GRIA2: variants seen among roughly 807,000 people sequenced by gnomAD.
GRIA2 encodes glutamate receptor 2.
Under a neutral mutation model 97.3 loss-of-function variants are expected in GRIA2, and 14 were observed. The ratio of observed to expected loss-of-function variants is 0.14; its 90% CI spans 0.10 to 0.23. The LOEUF (loss-of-function observed/expected upper bound fraction) is 0.23. Among genes scored for constraint, GRIA2 ranks in the 10% least tolerant of loss-of-function variants. The pLI is 1.00. For synonymous variants in GRIA2, 412 were observed against 387.8 expected, an observed-to-expected ratio of 1.06 and a Z score of -0.73; for missense variants, 558 against 1,069.8, an observed-to-expected ratio of 0.52 and a Z score of 6.67.
rs569469479 is a variant in GRIA2 at position 157,265,003 on chromosome 4, C to G, written c.230-38549C>G. On this transcript the variant is annotated intron_variant, in intron 2 of 15. Coordinates refer to ENST00000264426, the MANE Select transcript of GRIA2 (RefSeq NM_001083619.3). ...TTTGCAACATTTCCTGATCAGTCAG[C>G]AGTAAATAAAAGAGGCATAATTTAA... Among the ~76,000 whole-genome samples the G allele has an allele frequency of 3.9e-5, 6 of 152,136 alleles. No homozygotes were observed. The South Asian group carries it at 1.0e-3, about 26-fold the overall frequency.
chr4:157,221,825 A>C lies in GRIA2; in HGVS notation c.229+18A>C. The C allele has an allele frequency of 6.2e-7, 1 of 1,612,808 alleles. No homozygotes were observed. Among genetic ancestry groups the C allele is most frequent in the Non-Finnish European group, 8.5e-7 (1 of 1,178,980 alleles). On this transcript the variant is annotated intron_variant, in intron 2 of 15. Transcript: ENST00000264426. ...TAATGCTTGTAAGTAATGAATATTCATGCCTTTCGGGTGCTGCACGCGGAA... is the reference window on the plus strand; with the variant it reads ...TAATGCTTGTAAGTAATGAATATTCCTGCCTTTCGGGTGCTGCACGCGGAA...
intron 2 of GRIA2, among the ~76,000 whole-genome samples, chr4:157,286,149 A>T (rs982575110): frequency 6.6e-6 from 1 of 151,580 alleles, no homozygotes; most frequent in African/African-American, 2.4e-5. Context: ...AGAATCTATT[A>T]TGTAGAAACT....
intron 2 of GRIA2, among the ~76,000 whole-genome samples, chr4:157,298,833 T>C (rs1560753766): frequency 1.3e-5 from 2 of 152,080 alleles, no homozygotes; most frequent in East Asian, 3.9e-4. Context: ...TTTTGGTAAA[T>C]AAATAGTTTT....
At chr4:157,290,062 T>C (rs1017469654) in intron 2 of GRIA2, among the ~76,000 whole-genome samples, 6 of 151,858 alleles carry the variant, frequency 4.0e-5, no homozygotes, top group African/African-American at 1.2e-4. Context: ...CCTTACATAG[T>C]ACCTGGCACA....
intron 2 of GRIA2, among the ~76,000 whole-genome samples, chr4:157,283,565 C>T (rs190035379): frequency 6.6e-6 from 1 of 152,050 alleles, no homozygotes; most frequent in Non-Finnish European, 1.5e-5. Context: ...TCATCAGAAT[C>T]ACTGGCCTTA....
At chr4:157,274,523 C>G (rs1184097214) in intron 2 of GRIA2, among the ~76,000 whole-genome samples, 1 of 137,900 alleles carries the variant, frequency 7.3e-6, no homozygotes, top group Non-Finnish European at 1.6e-5. Context: ...CCCCCTCCCC[C>G]CACCCCACAA....
At chr4:157,312,972 G>T in intron 4 of GRIA2, 97 bp downstream of exon 4, 1 of 647,894 alleles carries the variant, frequency 1.5e-6, no homozygotes, top group Non-Finnish European at 2.5e-6. Context: ...TTGAACAGCA[G>T]TTTTTGCTTT....
intron 2 of GRIA2, among the ~76,000 whole-genome samples, chr4:157,265,284 T>C (rs1490174294): frequency 6.6e-6 from 1 of 152,172 alleles, no homozygotes; most frequent in East Asian, 1.9e-4. Context: ...TTTGTTCCTG[T>C]AGTCTACTCT....
chr4:157,273,529 A>G (rs1210399441), intron 2 of GRIA2, among the ~76,000 whole-genome samples: 1 of 152,068 alleles, frequency 6.6e-6, no homozygotes, highest in Non-Finnish European at 1.5e-5. Context: ...GCATAGATAG[A>G]AATTCTAAGA....
intron 2 of GRIA2, among the ~76,000 whole-genome samples, chr4:157,236,360 G>A (rs926302890): frequency 3.3e-5 from 5 of 151,978 alleles, no homozygotes; most frequent in Non-Finnish European, 7.4e-5. Flanking sequence ...TCCAGAAATG[G>A]TAGCATAATA....
At position 157,364,301 on chromosome 4, in the gene GRIA2, A is replaced by G. The variant is rs1394908653; in HGVS notation, c.*870A>G. On this transcript the variant is annotated 3_prime_UTR_variant, in exon 16 of 16. Transcript: ENST00000264426. Reference sequence around the variant, plus strand: ...TCTATTGTTTTATTGCAAGTGGTCCAATTAATTTTGCTTAGCTACAGTTTG... The same window carrying G: ...TCTATTGTTTTATTGCAAGTGGTCCGATTAATTTTGCTTAGCTACAGTTTG... The G allele has an allele frequency of 6.6e-6, 1 of 152,426 alleles. No homozygotes were observed. Among genetic ancestry groups the G allele is most frequent in the African/African-American group, 2.4e-5 (1 of 41,426 alleles). 9.4% of individuals were successfully genotyped at this position (152,426 alleles called of 1,614,324 possible).
At chr4:157,221,539 G>T (rs1729492836) in intron 1 of GRIA2, 128 bp from the exon 2 acceptor site, 2 of 933,648 alleles carry the variant, frequency 2.1e-6, no homozygotes, top group Middle Eastern at 3.1e-4. Flanking sequence ...GTCCGAGTCC[G>T]TAGGTGTGTT....
chr4:157,279,791 T>A (rs1346983297), intron 2 of GRIA2, among the ~76,000 whole-genome samples: 2 of 152,172 alleles, frequency 1.3e-5, no homozygotes, highest in Non-Finnish European at 2.9e-5. Flanking sequence ...TCATCATTTT[T>A]ATTTTGTTTC....
intron 2 of GRIA2, among the ~76,000 whole-genome samples, chr4:157,224,392 C>T (rs1321854634): frequency 1.3e-5 from 2 of 152,116 alleles, no homozygotes; most frequent in Non-Finnish European, 1.5e-5. Flanking sequence ...AAGAGAGGCT[C>T]ATTGGATAGA....
At chr4:157,345,446 T>C (rs1295451167) in intron 12 of GRIA2, among the ~76,000 whole-genome samples, 1 of 152,138 alleles carries the variant, frequency 6.6e-6, no homozygotes, top group Non-Finnish European at 1.5e-5. Context: ...CACTGTAGCA[T>C]ACCTATAATT....
chr4:157,306,113 A>T (rs1733830155), intron 3 of GRIA2, among the ~76,000 whole-genome samples: 2 of 152,290 alleles, frequency 1.3e-5, no homozygotes, highest in South Asian at 2.1e-4. Context: ...TGAATGACTA[A>T]TTCTCTTTAC....
intron 2 of GRIA2, among the ~76,000 whole-genome samples, chr4:157,259,967 C>A (rs1418997636): frequency 4.6e-5 from 7 of 152,116 alleles, no homozygotes; most frequent in African/African-American, 1.7e-4. Context: ...AGTTCAATCT[C>A]CAAATTAGAA....
chr4:157,350,618 A>G (rs1735968796), intron 12 of GRIA2, among the ~76,000 whole-genome samples: 1 of 151,512 alleles, frequency 6.6e-6, no homozygotes, highest in African/African-American at 2.4e-5. Context: ...TTCAGTTACT[A>G]CAATCACACC....
At chr4:157,233,551 T>A (rs1308543686) in intron 2 of GRIA2, among the ~76,000 whole-genome samples, 1 of 152,132 alleles carries the variant, frequency 6.6e-6, no homozygotes, top group Non-Finnish European at 1.5e-5. Flanking sequence ...TGATACAGCA[T>A]GTGTTTTTTT....
Sources: allele counts gnomAD v4.1 joint callset (sites outside exome capture counted in the v4.1 genomes callset), GRCh38; gene constraint gnomAD v4.1.1; transcripts MANE v1.5; gene names NCBI Gene and HGNC (gene_info 2026-07-23, HGNC 2026-07-21).